The following AURKA variants were observed in gnomAD, a reference collection of about 807,000 sequenced individuals.
AURKA encodes aurora kinase A, also known as aurora 2.
AURKA carries 12 observed loss-of-function variants against 40.9 expected under a neutral mutation model. The ratio of observed to expected loss-of-function variants is 0.29; its 90% CI spans 0.19 to 0.48. The LOEUF (loss-of-function observed/expected upper bound fraction) is 0.48. Ranked by LOEUF, AURKA falls within the 20% of genes least tolerant of loss-of-function variation. AURKA has a pLI of 0.99. For missense variants in AURKA, 322 were observed against 462.1 expected, an observed-to-expected ratio of 0.70 and a Z score of 2.78; for synonymous variants, 170 against 164.3, an observed-to-expected ratio of 1.03 and a Z score of -0.26.
At chr20:56,370,899 A>G (rs1454646186) in intron 7 of AURKA, among the ~76,000 whole-genome samples, 1 of 152,232 alleles carries the variant, frequency 6.6e-6, no homozygotes, top group East Asian at 1.9e-4. Context: ...TCCCTGAATA[A>G]TCTAGAATGT....
chr20:56,392,147 T>C (rs1987230245), intron 1 of AURKA, 21 bp downstream of exon 1: 1 of 152,308 alleles, frequency 6.6e-6, no homozygotes, highest in Non-Finnish European at 1.5e-5. Context: ...CCCCACGGTC[T>C]ACCCACCCGT....
chr20:56,375,903 A>G (rs1984862266), intron 6 of AURKA, among the ~76,000 whole-genome samples: 2 of 152,238 alleles, frequency 1.3e-5, no homozygotes, highest in Non-Finnish European at 2.9e-5. Flanking sequence ...ATGTCACTAC[A>G]ATTAGTTTTA....
In AURKA at chr20:56,383,058, A is replaced by G; in HGVS notation, c.493T>C (p.Phe165Leu). The change falls in exon 5 of 9, where the codon TTT becomes CTT. Residue 165 changes from phenylalanine (F) to leucine (L), a missense_variant. Phe to Leu is a conservative substitution (Grantham distance 22, BLOSUM62 0). Coordinates refer to ENST00000395915, the MANE Select transcript of AURKA (RefSeq NM_198437.3). ...SKFILALKVLFKAQLEKAGVE... is the reference protein window; with the variant it reads ...SKFILALKVLLKAQLEKAGVE... Reference sequence around the variant, plus strand: ...CCGGCTTTCTCCAGCTGAGCTTTAAATAACACTTTAAGAGCCAGAATAAAC... The same window carrying G: ...CCGGCTTTCTCCAGCTGAGCTTTAAGTAACACTTTAAGAGCCAGAATAAAC... The G allele has an allele frequency of 6.2e-7, 1 of 1,614,282 alleles. No homozygotes were observed. The highest frequency in any genetic ancestry group is 8.5e-7 in the Non-Finnish European group (1 of 1,180,056).
chr20:56,387,953 A>C (rs1279430195), intron 2 of AURKA, among the ~76,000 whole-genome samples: 2 of 152,192 alleles, frequency 1.3e-5, no homozygotes, highest in African/African-American at 4.8e-5. Context: ...TAAGCAGCCG[A>C]TTATAAGACA....
chr20:56,384,230 T>C (rs774746631), intron 4 of AURKA, 40 bp downstream of exon 4: 24 of 1,517,424 alleles, frequency 1.6e-5, no homozygotes, highest in Non-Finnish European at 1.8e-5. Flanking sequence ...TAATATATTC[T>C]AGTAGAACAG....
At chr20:56,379,166 G>A (rs1985357702) in intron 6 of AURKA, among the ~76,000 whole-genome samples, 1 of 152,158 alleles carries the variant, frequency 6.6e-6, no homozygotes, top group Non-Finnish European at 1.5e-5. Flanking sequence ...GAAATGAGTG[G>A]AATCTATAAG....
intron 6 of AURKA, among the ~76,000 whole-genome samples, chr20:56,374,555 C>T (rs906108273): frequency 4.6e-5 from 7 of 151,808 alleles, no homozygotes; most frequent in Admixed American, 2.0e-4. Context: ...CATAGAAGTA[C>T]ATAAGAAATC....
Position 56,373,612 on chromosome 20 carries a change from A to G in AURKA, c.706-56T>C. 1.3e-6 allele frequency: 2 copies of G among 1,584,048 alleles called. No homozygotes were observed. The highest frequency in any genetic ancestry group is 1.7e-6 in the Non-Finnish European group (2 of 1,153,652). On this transcript the variant is annotated intron_variant, in intron 6 of 8. Coordinates refer to ENST00000395915, the MANE Select transcript of AURKA (RefSeq NM_198437.3). The surrounding 1 kb of genome is among the most constrained non-coding windows in gnomAD (Gnocchi z 5.0). ...TAGATTTTATATAACACAAGTTAATATTAGACATCTCTTCCGAAAGGAACA... is the reference window on the plus strand; with the variant it reads ...TAGATTTTATATAACACAAGTTAATGTTAGACATCTCTTCCGAAAGGAACA...
chr20:56,376,404 A>C (rs1358786218), intron 6 of AURKA, among the ~76,000 whole-genome samples: 1 of 152,254 alleles, frequency 6.6e-6, no homozygotes, highest in East Asian at 1.9e-4. Flanking sequence ...ATTTCTACTT[A>C]GGAGAAGCAC....
rs1383186194 is a variant in AURKA, at chr20:56,369,717, A to G, written c.*441T>C. 8.3e-6 allele frequency: 3 copies of G among 361,494 alleles called. No individual in the cohort carries two copies. The highest frequency in any genetic ancestry group is 7.9e-4 in the Middle Eastern group (1 of 1,266). 22.4% of individuals were successfully genotyped at this position (361,494 alleles called of 1,614,324 possible). ...TTAAAAAGAATCACATACTCATTCC[A>G]ACAGCTTTACCAGGCTTCGCCAACC... On this transcript the variant is annotated 3_prime_UTR_variant, in exon 9 of 9. Transcript: ENST00000395915.
At position 56,369,689 on chromosome 20, in the gene AURKA, T is replaced by C; in HGVS notation, c.*469A>G. ...GTCTGTACATATATCTTTATTTTCA[T>C]ACTTAAAAAGAATCACATACTCATT... On this transcript the variant is annotated 3_prime_UTR_variant, in exon 9 of 9. Transcript: ENST00000395915. The C allele has an allele frequency of 2.9e-6, 1 of 339,042 alleles. No individual in the cohort carries two copies. Among genetic ancestry groups the C allele is most frequent in the East Asian group, 4.4e-5 (1 of 22,816 alleles). 21.0% of individuals were successfully genotyped at this position (339,042 alleles called of 1,614,324 possible).
Position 56,381,664 on chromosome 20 carries a change from G to A in AURKA, c.567-93C>T, listed in dbSNP as rs188859595. ...AACAAACTCTTCATGTAAAACCAGTGGTGTTTCACATGAAACCACACTCCA... is the reference window on the plus strand; with the variant it reads ...AACAAACTCTTCATGTAAAACCAGTAGTGTTTCACATGAAACCACACTCCA... On this transcript the variant is annotated intron_variant, in intron 5 of 8. Transcript: ENST00000395915. 27 of 1,519,006 alleles carry A rather than the reference G, an allele frequency of 1.8e-5. No individual in the cohort carries two copies. In the Admixed American group the frequency reaches 1.9e-4, roughly 10 times the overall value. The allele number at this position is 1,519,006 out of a possible 1,614,324, so 94.1% of individuals were successfully genotyped here. A position where few individuals can be genotyped will look rare whatever the true frequency, so the allele number is the denominator to read the frequency against.
intron 6 of AURKA, among the ~76,000 whole-genome samples, chr20:56,377,741 C>T (rs889595808): frequency 1.3e-5 from 2 of 151,928 alleles, no homozygotes; most frequent in Non-Finnish European, 2.9e-5. Context: ...GAGCCAAAAT[C>T]GCACCACTAC....
intron 4 of AURKA, among the ~76,000 whole-genome samples, chr20:56,383,655 G>C (rs1057368795): frequency 6.6e-6 from 1 of 152,232 alleles, no homozygotes; most frequent in Non-Finnish European, 1.5e-5. Flanking sequence ...AATGGAAGCG[G>C]GATGGAGCCC....
In AURKA at chr20:56,383,016, T is replaced by C; in HGVS notation, c.535A>G (p.Arg179Gly). The part of the protein sequence containing the change: ...LEKAGVEHQL[R>G]REVEIQSHLR... The stretch of plus-strand genomic sequence containing the variant: ...TGGGACTGTATTTCTACTTCTCTTC[T>C]GAGCTGATGCTCCACTCCGGCTTTC... Residue 179 changes from arginine (R) to glycine (G), a missense_variant, in exon 5 of 9, where the codon AGA becomes GGA. Coordinates refer to ENST00000395915, the MANE Select transcript of AURKA (RefSeq NM_198437.3). The C allele has an allele frequency of 6.2e-7, 1 of 1,614,226 alleles. No homozygotes were observed. The highest frequency in any genetic ancestry group is 8.5e-7 in the Non-Finnish European group (1 of 1,180,040).
At chr20:56,390,062 A>G (rs1035734008) in intron 1 of AURKA, among the ~76,000 whole-genome samples, 3 of 152,070 alleles carry the variant, frequency 2.0e-5, no homozygotes, top group Admixed American at 6.6e-5. Flanking sequence ...GAAGACCCCC[A>G]TGGCTCCCAA....
chr20:56,382,279 C>T (rs1419065098), intron 5 of AURKA, among the ~76,000 whole-genome samples: 1 of 152,114 alleles, frequency 6.6e-6, no homozygotes, highest in East Asian at 1.9e-4. Context: ...GCTGAGCAGA[C>T]TGGGCAGGTG....
intron 7 of AURKA, among the ~76,000 whole-genome samples, chr20:56,371,394 G>A (rs1166892562): frequency 4.0e-5 from 6 of 150,708 alleles, no homozygotes; most frequent in Admixed American, 1.3e-4. Flanking sequence ...CCCGGGAGGC[G>A]AGCTTGTAGT....
intron 3 of AURKA, 137 bp from the exon 4 acceptor site, chr20:56,384,461 T>A (rs992543471): frequency 1.5e-5 from 10 of 688,254 alleles, no homozygotes; most frequent in Admixed American, 2.9e-5. Flanking sequence ...TTTTTTTTTT[T>A]AAAGTTTTCC....
Sources: gnomAD v4.1 joint callset for allele counts (sites outside exome capture counted in the v4.1 genomes callset) on GRCh38, gnomAD v4.1.1 for gene constraint, Gnocchi (gnomAD v3.1) non-coding constraint, MANE v1.5 for transcripts, NCBI Gene and HGNC (gene_info 2026-07-23, HGNC 2026-07-21) for gene names.